SLC24A3: variants seen among roughly 807,000 people sequenced by gnomAD.
SLC24A3 encodes solute carrier family 24 member 3.
SLC24A3 carries 28 observed loss-of-function variants against 75.8 expected under a neutral mutation model. The ratio of observed to expected loss-of-function variants is 0.37; its 90% CI spans 0.27 to 0.51. The LOEUF (loss-of-function observed/expected upper bound fraction) is 0.51, where lower values mean the gene tolerates loss of function less well. Ranked by LOEUF, SLC24A3 falls within the 20% of genes least tolerant of loss-of-function variation. The pLI is 0.94. For synonymous variants in SLC24A3, 372 were observed against 334.1 expected, an observed-to-expected ratio of 1.11 and a Z score of -1.24; for missense variants, 663 against 847.8, an observed-to-expected ratio of 0.78 and a Z score of 2.71.
chr20:19,621,129 T>C lies in SLC24A3; in HGVS notation c.613-32933T>C, dbSNP rs112891087. ...ACAAAAGGAGGCAAATAGCATAATT[T>C]CCAGCAAACACAAAAGTAAAACACT... On this transcript the variant is annotated intron_variant, in intron 6 of 16. Coordinates refer to ENST00000328041, the MANE Select transcript of SLC24A3 (RefSeq NM_020689.4). 5.0e-3 allele frequency among the ~76,000 whole-genome samples: 766 copies of C among 152,292 alleles called. 1 individual carries two copies. The highest frequency in any genetic ancestry group is 6.6e-3 in the Admixed American group (101 of 15,284).
At chr20:19,700,692 T>A (rs1165185812) in intron 15 of SLC24A3, among the ~76,000 whole-genome samples, 1 of 152,260 alleles carries the variant, frequency 6.6e-6, no homozygotes, top group African/African-American at 2.4e-5. Context: ...GTAGGCAATT[T>A]TATACATTGC....
chr20:19,254,792 A>C (rs1600395235), intron 1 of SLC24A3, among the ~76,000 whole-genome samples: 1 of 152,212 alleles, frequency 6.6e-6, no homozygotes, highest in Middle Eastern at 3.4e-3. Context: ...CTGGAGTTCC[A>C]GGTTTCTCCA....
intron 2 of SLC24A3, among the ~76,000 whole-genome samples, chr20:19,474,879 C>T (rs1443203808): frequency 8.5e-5 from 13 of 152,190 alleles, no homozygotes; most frequent in Non-Finnish European, 1.5e-5. Flanking sequence ...ATCCATTTCT[C>T]ACTCCCCCAG....
chr20:19,683,681 T>G (rs947619715), intron 10 of SLC24A3, among the ~76,000 whole-genome samples: 1 of 152,226 alleles, frequency 6.6e-6, no homozygotes, highest in Admixed American at 6.5e-5. Context: ...TACAAAGTTC[T>G]TGGAGTCTTC....
At chr20:19,643,835 G>T (rs1386994004) in intron 6 of SLC24A3, among the ~76,000 whole-genome samples, 3 of 152,198 alleles carry the variant, frequency 2.0e-5, no homozygotes, top group African/African-American at 7.2e-5. Flanking sequence ...GACACCAAAA[G>T]TGTTCCTCAA....
intron 6 of SLC24A3, among the ~76,000 whole-genome samples, chr20:19,630,481 G>A (rs1035870332): frequency 2.0e-5 from 3 of 152,160 alleles, no homozygotes; most frequent in African/African-American, 7.2e-5. Flanking sequence ...TTGAAAGAAG[G>A]TCTGATGGTG....
At chr20:19,534,920 T>A (rs1281541866) in intron 3 of SLC24A3, among the ~76,000 whole-genome samples, 1 of 152,222 alleles carries the variant, frequency 6.6e-6, no homozygotes, top group Non-Finnish European at 1.5e-5. Flanking sequence ...GATCTCTTAA[T>A]CAAGTGTTTA....
chr20:19,219,537 A>G (rs1228362607), intron 1 of SLC24A3, among the ~76,000 whole-genome samples: 2 of 152,174 alleles, frequency 1.3e-5, no homozygotes, highest in Non-Finnish European at 2.9e-5. Flanking sequence ...AGAGATCGGG[A>G]TGAGAAATAC....
intron 1 of SLC24A3, among the ~76,000 whole-genome samples, chr20:19,247,353 A>AT (rs996403090): frequency 2.6e-5 from 4 of 152,178 alleles, no homozygotes; most frequent in South Asian, 2.1e-4. Flanking sequence ...TTTGCATAAT[A>AT]TTTTTTTGAC....
At chr20:19,226,239 G>A (rs1383492281) in intron 1 of SLC24A3, among the ~76,000 whole-genome samples, 1 of 152,176 alleles carries the variant, frequency 6.6e-6, no homozygotes, top group Non-Finnish European at 1.5e-5. Context: ...TTCAAATACG[G>A]AATCAGCCTT....
chr20:19,568,937 C>T (rs765164156), intron 3 of SLC24A3, among the ~76,000 whole-genome samples: 12 of 152,124 alleles, frequency 7.9e-5, no homozygotes, highest in Non-Finnish European at 1.5e-4. Flanking sequence ...CAGCCCCTCT[C>T]GGAGTTATTG....
chr20:19,565,827 G>C (rs913407191), intron 3 of SLC24A3, among the ~76,000 whole-genome samples: 1 of 152,106 alleles, frequency 6.6e-6, no homozygotes, highest in Non-Finnish European at 1.5e-5. Flanking sequence ...TTCAGATCAG[G>C]GGCTTTGAAG....
At chr20:19,435,121 G>A (rs1479040511) in intron 2 of SLC24A3, among the ~76,000 whole-genome samples, 5 of 152,294 alleles carry the variant, frequency 3.3e-5, no homozygotes, top group African/African-American at 9.6e-5. Flanking sequence ...TCTCTATTTT[G>A]AGACAATGCA....
At chr20:19,344,274 G>A (rs550499963) in intron 2 of SLC24A3, among the ~76,000 whole-genome samples, 1 of 152,304 alleles carries the variant, frequency 6.6e-6, no homozygotes, top group South Asian at 2.1e-4. Flanking sequence ...TAATATGGTT[G>A]AGATATATGA....
At chr20:19,585,624 C>T in intron 6 of SLC24A3, 80 bp downstream of exon 6, 1 of 1,352,602 alleles carries the variant, frequency 7.4e-7, no homozygotes, top group Non-Finnish European at 1.0e-6. Flanking sequence ...AGGAGACTGT[C>T]TTGCTGGAAC....
At chr20:19,677,539 G>A (rs2122733399) in intron 9 of SLC24A3, among the ~76,000 whole-genome samples, 2 of 151,916 alleles carry the variant, frequency 1.3e-5, no homozygotes, top group South Asian at 4.2e-4. Context: ...TCAACCCACA[G>A]TTGCCCCATC....
chr20:19,708,817 C>A (rs940808516), intron 15 of SLC24A3, among the ~76,000 whole-genome samples: 1 of 152,204 alleles, frequency 6.6e-6, no homozygotes, highest in Admixed American at 6.5e-5. Context: ...TCCCCTTGAT[C>A]TTGACCATTG....
At chr20:19,569,429 G>T (rs1178003019) in intron 3 of SLC24A3, among the ~76,000 whole-genome samples, 1 of 151,760 alleles carries the variant, frequency 6.6e-6, no homozygotes, top group Non-Finnish European at 1.5e-5. Context: ...CACTCCTGTG[G>T]CCCTCCTGTC....
At chr20:19,408,967 C>T (rs1331009279) in intron 2 of SLC24A3, among the ~76,000 whole-genome samples, 3 of 152,266 alleles carry the variant, frequency 2.0e-5, no homozygotes, top group South Asian at 2.1e-4. Context: ...GTTCTGGGCG[C>T]AAGAGACACA....
Sources: gnomAD v4.1 joint callset for allele counts (sites outside exome capture counted in the v4.1 genomes callset) on GRCh38, gnomAD v4.1.1 for gene constraint, MANE v1.5 for transcripts, NCBI Gene and HGNC (gene_info 2026-07-23, HGNC 2026-07-21) for gene names.